SPICE1: variants seen among roughly 807,000 people sequenced by gnomAD.
SPICE1 encodes the protein spindle and centriole associated protein 1.
A neutral mutation model predicts 102.7 loss-of-function variants in SPICE1; 75 were observed. The observed-to-expected ratio is 0.73, with a 90% CI of 0.61 to 0.88. The LOEUF (loss-of-function observed/expected upper bound fraction) is 0.88, where lower values mean the gene tolerates loss of function less well. Ranked by LOEUF, SPICE1 falls within the 40% of genes least tolerant of loss-of-function variation. The pLI, the probability that SPICE1 is intolerant of heterozygous loss-of-function variation, is 0.00. For missense variants in SPICE1, 979 were observed against 1,020.1 expected (o/e 0.96, Z 0.55); for synonymous variants, 308 against 350.3 (o/e 0.88, Z 1.35).
intron 7 of SPICE1, among the ~76,000 whole-genome samples, chr3:113,478,140 A>T (rs911473195): frequency 6.6e-6 from 1 of 152,044 alleles, no homozygotes; most frequent in African/African-American, 2.4e-5. Context: ...GAGAAGAAAC[A>T]TCACATAGAA....
Position 113,445,241 on chromosome 3 carries a change from A to G in SPICE1, c.*66T>C. The G allele has an allele frequency of 4.5e-6, 6 of 1,343,586 alleles. No individual in the cohort carries two copies. The South Asian group carries it at 6.5e-5, about 14-fold the overall frequency. The allele number at this position is 1,343,586 out of a possible 1,614,324, so 83.2% of individuals were successfully genotyped here. ...TCTGAAAGAAGGATATAAAAACTTA[A>G]AAGTCAGAGCAGGGAAAGGGAAGTA... is the stretch of plus-strand genomic sequence containing the variant. On this transcript the variant is annotated 3_prime_UTR_variant, in exon 18 of 18. Coordinates refer to ENST00000295872, the MANE Select transcript of SPICE1 (RefSeq NM_144718.4).
In SPICE1 at chr3:113,509,987, G is replaced by A. The variant is rs114806244; in HGVS notation, c.1-3382C>T. On this transcript the variant is annotated intron_variant, in intron 1 of 17. Coordinates refer to ENST00000295872, the MANE Select transcript of SPICE1 (RefSeq NM_144718.4). ...AGTTTCCTGAGGCCTGCAAAACTGT[G>A]AGTCAATTAAACCTCTTTTCTTTAT... Among the ~76,000 whole-genome samples, 1,395 of 152,296 alleles carry A rather than the reference G, an allele frequency of 9.2e-3. 17 individuals are homozygous for A. The highest frequency in any genetic ancestry group is 0.032 in the African/African-American group (1,317 of 41,568).
chr3:113,488,819 C>A, intron 7 of SPICE1, 126 bp downstream of exon 7: 2 of 609,774 alleles, frequency 3.3e-6, no homozygotes, highest in South Asian at 4.7e-5. Context: ...TTTGGAAATA[C>A]CAAAATAAAC....
At chr3:113,482,374 TCA>T (rs953964862) in intron 7 of SPICE1, among the ~76,000 whole-genome samples, 41 of 152,222 alleles carry the variant, frequency 2.7e-4, no homozygotes, top group African/African-American at 9.9e-4. Context: ...TTCACCATGA[TCA>T]CAGTTTCTTT....
intron 1 of SPICE1, among the ~76,000 whole-genome samples, chr3:113,513,291 G>A (rs1430285728): frequency 2.0e-5 from 3 of 152,020 alleles, no homozygotes; most frequent in South Asian, 4.2e-4. Context: ...AGTGCCTATA[G>A]TTTCAGCTAC....
intron 11 of SPICE1, among the ~76,000 whole-genome samples, chr3:113,464,463 C>G (rs1576627509): frequency 6.6e-6 from 1 of 151,922 alleles, no homozygotes; most frequent in South Asian, 2.1e-4. Context: ...ACTCTGTTAC[C>G]CAGGCTGATC....
chr3:113,498,762 TACAG>T (rs1162458504), intron 4 of SPICE1, among the ~76,000 whole-genome samples: 5 of 152,230 alleles, frequency 3.3e-5, no homozygotes, highest in African/African-American at 1.2e-4. Context: ...GGAGCAACAC[TACAG>T]ACAAAGCACA....
intron 7 of SPICE1, among the ~76,000 whole-genome samples, chr3:113,482,524 G>A (rs1246824893): frequency 6.6e-6 from 1 of 152,138 alleles, no homozygotes; most frequent in African/African-American, 2.4e-5. Flanking sequence ...TTTTCTTCTA[G>A]GATTTTTTAT....
rs1937230945 is a variant in SPICE1 at position 113,512,002 on chromosome 3, T to C, written c.-1+2895A>G. Among the ~76,000 whole-genome samples, 5 of 152,166 alleles carry C rather than the reference T, an allele frequency of 3.3e-5. No individual in the cohort carries two copies. The South Asian group carries it at 1.0e-3, about 32-fold the overall frequency. ...TTTCTATAATGGACCTATGTTACTC[T>C]TAAAAATGGGGGGAAAAGTATTTCA... is the stretch of plus-strand genomic sequence containing the variant. On this transcript the variant is annotated intron_variant, in intron 1 of 17. Coordinates refer to ENST00000295872, the MANE Select transcript of SPICE1 (RefSeq NM_144718.4).
intron 1 of SPICE1, among the ~76,000 whole-genome samples, chr3:113,513,225 A>T (rs1006507640): frequency 6.6e-6 from 1 of 152,104 alleles, no homozygotes; most frequent in Non-Finnish European, 1.5e-5. Flanking sequence ...TGTGCAACAT[A>T]GCAAGACCCT....
At chr3:113,480,652 C>A (rs560421150) in intron 7 of SPICE1, among the ~76,000 whole-genome samples, 1 of 151,888 alleles carries the variant, frequency 6.6e-6, no homozygotes, top group Non-Finnish European at 1.5e-5. Context: ...ATAAAATTAA[C>A]ACTTATTACT....
intron 3 of SPICE1, among the ~76,000 whole-genome samples, chr3:113,502,165 C>T (rs1937020460): frequency 6.6e-6 from 1 of 152,018 alleles, no homozygotes; most frequent in South Asian, 2.1e-4. Flanking sequence ...TCCTTGAGCC[C>T]AGGAGTTCGA....
chr3:113,446,320 G>A (rs1935512403), intron 17 of SPICE1, among the ~76,000 whole-genome samples: 1 of 152,122 alleles, frequency 6.6e-6, no homozygotes, highest in South Asian at 2.1e-4. Flanking sequence ...GTAAATATAT[G>A]GGAAGCTCTA....
At chr3:113,498,185 T>A in intron 4 of SPICE1, among the ~76,000 whole-genome samples, 1 of 152,144 alleles carries the variant, frequency 6.6e-6, no homozygotes, top group East Asian at 1.9e-4. Flanking sequence ...TGTTATATAT[T>A]TTTTTAATGG....
In SPICE1 at chr3:113,453,663, C is replaced by T. The variant is rs775657825; in HGVS notation, c.1945G>A (p.Val649Ile). Residue 649 changes from valine (V) to isoleucine (I), a missense_variant, in exon 14 of 18, where the codon GTA (valine) becomes ATA (isoleucine). Val to Ile is a conservative substitution (Grantham distance 29, BLOSUM62 3). Coordinates refer to ENST00000295872, the MANE Select transcript of SPICE1 (RefSeq NM_144718.4). ...RSPTFSEELP[V>I]LGDGQQLRTN... ...CTCAGCTGCTGCCCATCTCCCAGTA[C>T]TGGGAGCTCTTCTGAGAATGTGGGG... is the stretch of plus-strand genomic sequence containing the variant. 6 of 1,614,128 alleles carry T rather than the reference C, an allele frequency of 3.7e-6. No individual in the cohort carries two copies. Among genetic ancestry groups the T allele is most frequent in the Non-Finnish European group, 5.1e-6 (6 of 1,180,024 alleles).
At chr3:113,482,590 G>C (rs1441031644) in intron 7 of SPICE1, among the ~76,000 whole-genome samples, 1 of 152,180 alleles carries the variant, frequency 6.6e-6, no homozygotes, top group Non-Finnish European at 1.5e-5. Context: ...TTTTGTATAA[G>C]GTGTAAGGAA....
chr3:113,467,345 G>A (rs1366221928), intron 10 of SPICE1, among the ~76,000 whole-genome samples: 1 of 152,178 alleles, frequency 6.6e-6, no homozygotes. Context: ...AGGCTGGAGT[G>A]CAGTGGCGCG....
intron 11 of SPICE1, among the ~76,000 whole-genome samples, chr3:113,462,292 C>T (rs1409975304): frequency 1.3e-5 from 2 of 152,212 alleles, no homozygotes; most frequent in Non-Finnish European, 2.9e-5. Flanking sequence ...TTTGCTGAGG[C>T]ACCTCAGGGC....
intron 14 of SPICE1, among the ~76,000 whole-genome samples, chr3:113,453,213 C>T (rs1935697049): frequency 6.6e-6 from 1 of 152,174 alleles, no homozygotes; most frequent in South Asian, 2.1e-4. Context: ...CTAACTTAAT[C>T]TTAGCTTTCC....
Sources: allele counts gnomAD v4.1 joint callset (sites outside exome capture counted in the v4.1 genomes callset), GRCh38; gene constraint gnomAD v4.1.1; transcripts MANE v1.5; gene names NCBI Gene and HGNC (gene_info 2026-07-23, HGNC 2026-07-21).